DENND1A: variants seen among roughly 807,000 people sequenced by gnomAD.
DENND1A encodes the protein DENN domain-containing protein 1A.
DENND1A carries 51 observed loss-of-function variants against 113.7 expected under a neutral mutation model. That is an observed-to-expected ratio of 0.45 (90% CI 0.36 to 0.57). The LOEUF is 0.57. Among genes scored for constraint, DENND1A ranks in the 20% least tolerant of loss-of-function variants. DENND1A has a pLI of 0.00. For synonymous variants in DENND1A, 565 were observed against 570.8 expected (o/e 0.99, Z 0.14); for missense variants, 1,258 against 1,395.9 (o/e 0.90, Z 1.57).
intron 5 of DENND1A, among the ~76,000 whole-genome samples, chr9:123,704,497 T>A (rs994860728): frequency 1.2e-4 from 19 of 152,326 alleles, no homozygotes; most frequent in African/African-American, 4.6e-4. Flanking sequence ...TCACCCATCG[T>A]GGTCTCATAA....
chr9:123,675,418 T>C (rs1013774716), intron 6 of DENND1A, among the ~76,000 whole-genome samples: 3 of 152,182 alleles, frequency 2.0e-5, no homozygotes, highest in African/African-American at 7.2e-5. Context: ...CTTAAGGAGA[T>C]GAAAATGAAA....
At chr9:123,884,995 G>GTGCA (rs1288742941) in intron 1 of DENND1A, among the ~76,000 whole-genome samples, 2 of 126,126 alleles carry the variant, frequency 1.6e-5, no homozygotes, top group Admixed American at 1.5e-4. Flanking sequence ...GCGAGCGCGC[G>GTGCA]CGCACACACA....
intron 2 of DENND1A, among the ~76,000 whole-genome samples, chr9:123,800,306 A>T (rs1456267552): frequency 6.6e-6 from 1 of 152,188 alleles, no homozygotes; most frequent in African/African-American, 2.4e-5. Flanking sequence ...AGTCCCACTA[A>T]ACATTTTTGC....
intron 2 of DENND1A, among the ~76,000 whole-genome samples, chr9:123,855,028 C>T (rs1053266195): frequency 2.0e-5 from 3 of 151,224 alleles, no homozygotes; most frequent in East Asian, 1.9e-4. Context: ...GGTAAAACTC[C>T]ACTCTAAAAA....
intron 2 of DENND1A, among the ~76,000 whole-genome samples, chr9:123,797,957 TG>T (rs1834026049): frequency 6.6e-6 from 1 of 152,196 alleles, no homozygotes. Context: ...AAAATCATTT[TG>T]AAGGACTATA....
At chr9:123,840,646 AC>A (rs1244279078) in intron 2 of DENND1A, among the ~76,000 whole-genome samples, 7 of 152,224 alleles carry the variant, frequency 4.6e-5, no homozygotes, top group Non-Finnish European at 1.0e-4. Flanking sequence ...CAGTGCCGGT[AC>A]AAAAATAGTA....
At chr9:123,468,573 G>T (rs1197854648) in intron 13 of DENND1A, among the ~76,000 whole-genome samples, 1 of 152,130 alleles carries the variant, frequency 6.6e-6, no homozygotes, top group East Asian at 1.9e-4. Context: ...TCCCTGCTGG[G>T]GCCTCAGCAT....
intron 13 of DENND1A, among the ~76,000 whole-genome samples, chr9:123,525,358 G>A (rs1226699699): frequency 6.6e-6 from 1 of 152,192 alleles, no homozygotes; most frequent in Admixed American, 6.5e-5. Context: ...ATGACTACAA[G>A]GAAGGAACAC....
At chr9:123,929,525 A>C (rs1857650270) in intron 1 of DENND1A, among the ~76,000 whole-genome samples, 1 of 152,012 alleles carries the variant, frequency 6.6e-6, no homozygotes, top group Admixed American at 6.5e-5. Context: ...GGGGCGCCCC[A>C]AACATGCCCA....
chr9:123,774,601 A>G (rs1830201851), intron 3 of DENND1A, among the ~76,000 whole-genome samples: 1 of 152,150 alleles, frequency 6.6e-6, no homozygotes. Flanking sequence ...GTTTTACAGA[A>G]AGGCCTTTCA....
Position 123,919,250 on chromosome 9 carries a change from C to T in DENND1A, c.17+10639G>A, listed in dbSNP as rs117417094. Among the ~76,000 whole-genome samples the T allele has an allele frequency of 5.7e-3, 857 of 150,486 alleles. 11 individuals are homozygous for T. Among genetic ancestry groups the T allele is most frequent in the South Asian group, 0.025 (118 of 4,764 alleles). ...ACTTTGGGAGGCCTAGGTGGGTGGA[C>T]TGCTTGGGGTCAGGAGTTTGAAACC... On this transcript the variant is annotated intron_variant, in intron 1 of 23. Transcript: ENST00000394215.
chr9:123,455,486 C>T (rs2048048177), intron 15 of DENND1A, among the ~76,000 whole-genome samples: 1 of 152,374 alleles, frequency 6.6e-6, no homozygotes, highest in African/African-American at 2.4e-5. Flanking sequence ...AGTCACCACG[C>T]CCTACTCTCT....
intron 2 of DENND1A, among the ~76,000 whole-genome samples, chr9:123,873,745 C>G (rs966400486): frequency 6.6e-6 from 1 of 151,676 alleles, no homozygotes; most frequent in African/African-American, 2.4e-5. Flanking sequence ...TTATCTATCT[C>G]TCTTTTTTTT....
At chr9:123,776,474 T>C (rs1037005389) in intron 3 of DENND1A, among the ~76,000 whole-genome samples, 4 of 152,224 alleles carry the variant, frequency 2.6e-5, no homozygotes, top group Admixed American at 6.5e-5. Context: ...GGCTATACTT[T>C]TAACTTGTAA....
chr9:123,397,228 C>T (rs994251453), intron 21 of DENND1A, among the ~76,000 whole-genome samples: 6 of 152,074 alleles, frequency 3.9e-5, no homozygotes, highest in African/African-American at 1.4e-4. Flanking sequence ...GATCTCTGTT[C>T]CCTGCAAACT....
intron 12 of DENND1A, among the ~76,000 whole-genome samples, chr9:123,574,576 G>A: frequency 6.6e-6 from 1 of 152,130 alleles, no homozygotes; most frequent in Middle Eastern, 3.2e-3. Context: ...TACAAAGATA[G>A]TACAAAGAGG....
In DENND1A at chr9:123,452,388, G is replaced by C; in HGVS notation, c.1228-41C>G. The C allele has an allele frequency of 2.6e-6, 4 of 1,536,002 alleles. No homozygotes were observed. The South Asian group carries it at 4.5e-5, about 17-fold the overall frequency. On this transcript the variant is annotated intron_variant, in intron 16 of 23. Transcript: ENST00000394215. ...CAATTAGCAATTTGGGCTGAAGACA[G>C]AGTCATCCAACACCAACAAAGACTG...
Position 123,381,233 on chromosome 9 carries a change from CA to C in DENND1A, c.*198del. 3.2e-6 allele frequency: 2 copies of C among 619,360 alleles called. No homozygotes were observed. The highest frequency in any genetic ancestry group is 4.0e-5 in the South Asian group (2 of 50,620). 38.4% of individuals were successfully genotyped at this position (619,360 alleles called of 1,614,324 possible). A position where few individuals can be genotyped will look rare whatever the true frequency, so the allele number is the denominator to read the frequency against. The stretch of plus-strand genomic sequence containing the variant: ...GGCACTCAGGAACTGGGTTGATTCC[CA>C]GGCTGGAACTGGTGCCATTCCCCAG... On this transcript the variant is annotated 3_prime_UTR_variant, in exon 24 of 24. Coordinates refer to ENST00000394215, the MANE Select transcript of DENND1A (RefSeq NM_001352964.2). This position sits in a 1 kb window ranked among gnomAD's most constrained non-coding sequence, Gnocchi z 4.7.
intron 2 of DENND1A, among the ~76,000 whole-genome samples, chr9:123,819,622 C>T (rs1386137476): frequency 6.6e-6 from 1 of 152,224 alleles, no homozygotes; most frequent in Non-Finnish European, 1.5e-5. Context: ...ACTGCAACCT[C>T]TGCCTCCTGG....
Sources: gnomAD v4.1 joint callset for allele counts (sites outside exome capture counted in the v4.1 genomes callset) on GRCh38, gnomAD v4.1.1 for gene constraint, Gnocchi (gnomAD v3.1) non-coding constraint, MANE v1.5 for transcripts, NCBI Gene and HGNC (gene_info 2026-07-23, HGNC 2026-07-21) for gene names.